The following COL23A1 variants were observed in gnomAD, a reference collection of about 807,000 sequenced individuals.
COL23A1 encodes collagen type XXIII alpha 1 chain, also known as collagen alpha-1(XXIII) chain.
In COL23A1, 97 loss-of-function variants were observed where a neutral mutation model predicts 99.3. That is an observed-to-expected ratio of 0.98 (90% CI 0.83 to 1.16). The LOEUF (loss-of-function observed/expected upper bound fraction) is 1.16. COL23A1 is among the 50% of genes most tolerant of loss of function. The pLI, the probability that COL23A1 is intolerant of heterozygous loss-of-function variation, is 0.00. For missense variants in COL23A1, 762 were observed against 757.4 expected (o/e 1.01, Z -0.07); for synonymous variants, 320 against 308.2 (o/e 1.04, Z -0.40).
chr5:178,408,905 A>C (rs1764896421), intron 2 of COL23A1, among the ~76,000 whole-genome samples: 2 of 150,756 alleles, frequency 1.3e-5, no homozygotes, highest in Non-Finnish European at 2.9e-5. Flanking sequence ...CAGTGAGCCA[A>C]GACCGTGCCA....
At chr5:178,407,609 C>G (rs1223441567) in intron 2 of COL23A1, among the ~76,000 whole-genome samples, 1 of 152,058 alleles carries the variant, frequency 6.6e-6, no homozygotes, top group Non-Finnish European at 1.5e-5. Flanking sequence ...AATGAAAAAA[C>G]AGAAAGTCTC....
At chr5:178,241,023 T>C (rs1488349754) in intron 27 of COL23A1, among the ~76,000 whole-genome samples, 1 of 152,120 alleles carries the variant, frequency 6.6e-6, no homozygotes, top group Non-Finnish European at 1.5e-5. Context: ...GGACAATCGC[T>C]TGAGCCCAGA....
At chr5:178,584,727 G>C (rs888690031) in intron 1 of COL23A1, among the ~76,000 whole-genome samples, 1 of 152,174 alleles carries the variant, frequency 6.6e-6, no homozygotes, top group Non-Finnish European at 1.5e-5. Flanking sequence ...CAAGGAGCTG[G>C]GGGAAAGGCA....
chr5:178,555,286 G>T (rs1762207044), intron 2 of COL23A1, among the ~76,000 whole-genome samples: 1 of 152,180 alleles, frequency 6.6e-6, no homozygotes, highest in Non-Finnish European at 1.5e-5. Flanking sequence ...CTGAGGGTTA[G>T]GACTTCAAGA....
At chr5:178,370,183 T>C (rs1223384450) in intron 2 of COL23A1, among the ~76,000 whole-genome samples, 1 of 152,204 alleles carries the variant, frequency 6.6e-6, no homozygotes, top group Non-Finnish European at 1.5e-5. Context: ...ATCAAAGGAC[T>C]CACAAAAGGT....
intron 1 of COL23A1, among the ~76,000 whole-genome samples, chr5:178,571,037 G>A (rs1045008248): frequency 6.6e-6 from 1 of 152,026 alleles, no homozygotes; most frequent in Admixed American, 6.6e-5. Context: ...CACCAGCCAG[G>A]CCAGTAAACC....
Position 178,590,358 on chromosome 5 carries a change from A to G in COL23A1, c.-161T>C. 1 of 539,612 alleles carries G rather than the reference A, an allele frequency of 1.9e-6. No individual in the cohort carries two copies. The highest frequency in any genetic ancestry group is 2.6e-6 in the Non-Finnish European group (1 of 378,032). 33.4% of individuals were successfully genotyped at this position (539,612 alleles called of 1,614,324 possible). ...TCGCCGCGCACGCCCCCTTCGCCGC[A>G]GCCAGCTCCTCCACAGCGGCCACTT... On this transcript the variant is annotated 5_prime_UTR_variant, in exon 1 of 29. Coordinates refer to ENST00000390654, the MANE Select transcript of COL23A1 (RefSeq NM_173465.4). This position sits in a 1 kb window ranked among gnomAD's most constrained non-coding sequence, Gnocchi z 5.7.
At chr5:178,258,262 T>TATATATATATATATACACATAC in intron 12 of COL23A1, among the ~76,000 whole-genome samples, 1 of 104,128 alleles carries the variant, frequency 9.6e-6, no homozygotes, top group East Asian at 2.5e-4. Context: ...TATATATATA[T>TATATATATATATATACACATAC]ACACATGCAA....
intron 2 of COL23A1, among the ~76,000 whole-genome samples, chr5:178,512,099 A>AT (rs1658573823): frequency 6.6e-6 from 1 of 152,232 alleles, no homozygotes; most frequent in African/African-American, 2.4e-5. Context: ...ATATGAACAA[A>AT]TGTGTATGAA....
chr5:178,392,033 T>TAAC (rs1394384695), intron 2 of COL23A1, among the ~76,000 whole-genome samples: 2 of 152,068 alleles, frequency 1.3e-5, no homozygotes, highest in Non-Finnish European at 2.9e-5. Flanking sequence ...GGGAAATCTG[T>TAAC]AGAGACAGAA....
At chr5:178,354,785 G>A (rs1277093354) in intron 2 of COL23A1, among the ~76,000 whole-genome samples, 1 of 152,116 alleles carries the variant, frequency 6.6e-6, no homozygotes, top group South Asian at 2.1e-4. Flanking sequence ...GGTTGGGTGT[G>A]GTGGCTCATG....
At position 178,396,925 on chromosome 5, in the gene COL23A1, C is replaced by T. The variant is rs573376092; in HGVS notation, c.362-90006G>A. ...TTCAAAGAGCAGAACAGCTGAGCAT[C>T]TGGGGCTTCCCTGGTGTCCAGTGAA... On this transcript the variant is annotated intron_variant, in intron 2 of 28. Transcript: ENST00000390654. 2.0e-5 allele frequency among the ~76,000 whole-genome samples: 3 copies of T among 152,352 alleles called. No individual in the cohort carries two copies. The South Asian group carries it at 6.2e-4, about 32-fold the overall frequency.
chr5:178,489,765 C>T (rs1006487668), intron 2 of COL23A1, among the ~76,000 whole-genome samples: 19 of 152,108 alleles, frequency 1.2e-4, no homozygotes, highest in Non-Finnish European at 1.8e-4. Context: ...TTCCGCTCCT[C>T]GATACAGACC....
intron 2 of COL23A1, among the ~76,000 whole-genome samples, chr5:178,487,401 C>T (rs1195389666): frequency 6.6e-6 from 1 of 151,822 alleles, no homozygotes; most frequent in Non-Finnish European, 1.5e-5. Context: ...CTCACTGCAA[C>T]CTCTGCCTCT....
rs563382116 is a variant in COL23A1, at chr5:178,310,434, C to T, written c.362-3515G>A. Reference sequence around the variant, plus strand: ...CTTTTCCTCCAGGACTCCCTGTGCCCGCCCCGCAGGCTCACCTTCTGCCTC... The same window carrying T: ...CTTTTCCTCCAGGACTCCCTGTGCCTGCCCCGCAGGCTCACCTTCTGCCTC... On this transcript the variant is annotated intron_variant, in intron 2 of 28. Transcript: ENST00000390654. This position sits in a 1 kb window ranked among gnomAD's most constrained non-coding sequence, Gnocchi z 4.3. 6.6e-5 allele frequency among the ~76,000 whole-genome samples: 10 copies of T among 152,330 alleles called. No homozygotes were observed. The highest frequency in any genetic ancestry group is 2.2e-4 in the African/African-American group (9 of 41,582).
intron 2 of COL23A1, among the ~76,000 whole-genome samples, chr5:178,348,145 C>T (rs1272433791): frequency 3.3e-5 from 5 of 151,950 alleles, no homozygotes; most frequent in Non-Finnish European, 7.4e-5. Context: ...GCTCCAGCTG[C>T]CCTGACGCCG....
chr5:178,528,429 G>A (rs971009381), intron 2 of COL23A1, among the ~76,000 whole-genome samples: 27 of 152,126 alleles, frequency 1.8e-4, no homozygotes, highest in African/African-American at 5.8e-4. Context: ...CTCCCCACTC[G>A]CTTCAGGGAT....
At chr5:178,565,731 G>A (rs1219107775) in intron 1 of COL23A1, among the ~76,000 whole-genome samples, 2 of 151,966 alleles carry the variant, frequency 1.3e-5, no homozygotes, top group Non-Finnish European at 2.9e-5. Context: ...GAAGTGTCAG[G>A]GCTGGACTTA....
At chr5:178,383,880 GAA>G (rs34212112) in intron 2 of COL23A1, among the ~76,000 whole-genome samples, 7 of 98,700 alleles carry the variant, frequency 7.1e-5, no homozygotes, top group African/African-American at 1.4e-4. Context: ...GACAGAAATA[GAA>G]AAAAAAAAAA....
Sources: gnomAD v4.1 joint callset for allele counts (sites outside exome capture counted in the v4.1 genomes callset) on GRCh38, gnomAD v4.1.1 for gene constraint, Gnocchi (gnomAD v3.1) non-coding constraint, MANE v1.5 for transcripts, NCBI Gene and HGNC (gene_info 2026-07-23, HGNC 2026-07-21) for gene names.